Variants in ROBO1 observed in about 807,000 individuals in gnomAD.
ROBO1 encodes the protein roundabout homolog 1.
A neutral mutation model predicts 195.9 loss-of-function variants in ROBO1; 149 were observed. The observed-to-expected ratio is 0.76, with a 90% CI of 0.67 to 0.87. The LOEUF (loss-of-function observed/expected upper bound fraction) is 0.87. Ranked by LOEUF, ROBO1 falls within the 40% of genes least tolerant of loss-of-function variation. ROBO1 has a pLI of 0.00. For missense variants in ROBO1, 1,933 were observed against 2,068.3 expected (o/e 0.93, Z 1.27); for synonymous variants, 816 against 733.2 (o/e 1.11, Z -1.82).
intron 3 of ROBO1, among the ~76,000 whole-genome samples, chr3:78,983,725 A>G (rs2077046741): frequency 6.6e-6 from 1 of 152,230 alleles, no homozygotes; most frequent in Non-Finnish European, 1.5e-5. Context: ...AAATAAATAA[A>G]AAGGCAAGGA....
At chr3:79,501,533 G>A (rs552036948) in intron 2 of ROBO1, among the ~76,000 whole-genome samples, 2 of 152,294 alleles carry the variant, frequency 1.3e-5, no homozygotes, top group South Asian at 4.1e-4. Flanking sequence ...TTTCAGTGGA[G>A]AGAGCAGCTC....
At chr3:78,620,881 A>ATGTGTG (rs778171914) in intron 26 of ROBO1, among the ~76,000 whole-genome samples, 2,060 of 27,556 alleles carry the variant, frequency 0.075, 40 homozygotes, top group African/African-American at 0.14. Context: ...TTATATATAT[A>ATGTGTG]TATGTGTGTG....
chr3:79,109,106 A>C (rs1027361402), intron 3 of ROBO1, among the ~76,000 whole-genome samples: 7 of 151,840 alleles, frequency 4.6e-5, no homozygotes, highest in Non-Finnish European at 8.8e-5. Flanking sequence ...TGGATGTTTA[A>C]AATCCCAACA....
chr3:78,839,408 CTTTTTTTCATTACTATGAAAAAAGAATAT>C (rs2033008172), intron 4 of ROBO1, among the ~76,000 whole-genome samples: 2 of 150,054 alleles, frequency 1.3e-5, no homozygotes, highest in African/African-American at 4.9e-5. Flanking sequence ...ACTGAATATT[CTTTTTTTCATTACTATGAAAAAAGAATAT>C]TTTTTTTCAT....
At chr3:78,845,264 A>C (rs577506500) in intron 4 of ROBO1, among the ~76,000 whole-genome samples, 1 of 149,828 alleles carries the variant, frequency 6.7e-6, no homozygotes, top group Non-Finnish European at 1.5e-5. Context: ...TAAAATGTGC[A>C]CAGATTTTAG....
chr3:78,984,476 A>G (rs2077061688), intron 3 of ROBO1, among the ~76,000 whole-genome samples: 1 of 152,222 alleles, frequency 6.6e-6, no homozygotes, highest in Admixed American at 6.5e-5. Flanking sequence ...TATACAAGCA[A>G]ATAATCAATA....
chr3:78,631,394 T>C (rs1241172419), intron 24 of ROBO1, 89 bp from the exon 25 acceptor site: 3 of 1,362,024 alleles, frequency 2.2e-6, no homozygotes, highest in African/African-American at 2.9e-5. Flanking sequence ...GTAAATATGA[T>C]TTTATAATTC....
intron 2 of ROBO1, among the ~76,000 whole-genome samples, chr3:79,264,478 A>C (rs569910682): frequency 6.6e-6 from 1 of 151,876 alleles, no homozygotes; most frequent in Admixed American, 6.6e-5. Context: ...GCATTCAACT[A>C]TTCATATATT....
intron 3 of ROBO1, among the ~76,000 whole-genome samples, chr3:79,072,042 G>T (rs1468865086): frequency 6.6e-6 from 1 of 151,706 alleles, no homozygotes; most frequent in Non-Finnish European, 1.5e-5. Flanking sequence ...TTAAAAGAAG[G>T]CTTTGCTAAC....
intron 2 of ROBO1, among the ~76,000 whole-genome samples, chr3:79,186,388 ATATACATGTCTACAAAC>A (rs1480367155): frequency 6.6e-6 from 1 of 152,024 alleles, no homozygotes; most frequent in African/African-American, 2.4e-5. Flanking sequence ...AGACATGTAT[ATATACATGTCTACAAAC>A]ACACACATTC....
At chr3:79,020,633 A>G (rs934298625) in intron 3 of ROBO1, among the ~76,000 whole-genome samples, 65 of 152,208 alleles carry the variant, frequency 4.3e-4, no homozygotes, top group Non-Finnish European at 6.5e-4. Context: ...CGGAGGTTGC[A>G]GTGAGCCGAG....
At chr3:78,647,223 A>G (rs1187735058) in intron 20 of ROBO1, among the ~76,000 whole-genome samples, 1 of 152,096 alleles carries the variant, frequency 6.6e-6, no homozygotes, top group Non-Finnish European at 1.5e-5. Flanking sequence ...ACCTTTAACA[A>G]TATTGATTCT....
chr3:78,618,122 G>T, intron 26 of ROBO1, 81 bp from the exon 27 acceptor site: 2 of 1,419,230 alleles, frequency 1.4e-6, no homozygotes, highest in Non-Finnish European at 1.9e-6. Context: ...AAATTCACAA[G>T]CATGCAGATT....
intron 2 of ROBO1, among the ~76,000 whole-genome samples, chr3:79,291,824 C>A (rs1423531079): frequency 6.6e-6 from 1 of 152,078 alleles, no homozygotes; most frequent in African/African-American, 2.4e-5. Flanking sequence ...CCATAAATGG[C>A]CCCAAGTTTT....
chr3:78,711,417 TTCTTTCTTTC>T (rs2081729787), intron 8 of ROBO1, among the ~76,000 whole-genome samples: 1 of 100,540 alleles, frequency 9.9e-6, no homozygotes, highest in African/African-American at 4.6e-5. Flanking sequence ...CTTTCTTTCT[TTCTTTCTTTC>T]TTTCTTTCTT....
At chr3:79,766,860 C>G (rs983854516) in intron 1 of ROBO1, among the ~76,000 whole-genome samples, 1 of 152,178 alleles carries the variant, frequency 6.6e-6, no homozygotes, top group Admixed American at 6.5e-5. Flanking sequence ...CGTTTTCCAG[C>G]TAAACGCCAC....
chr3:79,472,461 C>T (rs1316733475), intron 2 of ROBO1, among the ~76,000 whole-genome samples: 2 of 151,984 alleles, frequency 1.3e-5, no homozygotes, highest in Non-Finnish European at 2.9e-5. Flanking sequence ...CCTATTTTAC[C>T]ATACTAGGAT....
At chr3:79,248,472 CAGAA>C (rs1377475394) in intron 2 of ROBO1, among the ~76,000 whole-genome samples, 1 of 149,384 alleles carries the variant, frequency 6.7e-6, no homozygotes, top group Admixed American at 6.7e-5. Context: ...AAAAGACTGA[CAGAA>C]AGGACAACAG....
At chr3:78,825,269 T>C (rs1357841746) in intron 4 of ROBO1, among the ~76,000 whole-genome samples, 1 of 152,184 alleles carries the variant, frequency 6.6e-6, no homozygotes, top group Non-Finnish European at 1.5e-5. Flanking sequence ...ATCAGTTTGG[T>C]GTCAGCAGAA....
Sources: allele counts gnomAD v4.1 joint callset (sites outside exome capture counted in the v4.1 genomes callset), GRCh38; gene constraint gnomAD v4.1.1; transcripts MANE v1.5; gene names NCBI Gene and HGNC (gene_info 2026-07-23, HGNC 2026-07-21).